The following RNH1 variants were observed in gnomAD, a reference collection of about 807,000 sequenced individuals.
RNH1 encodes ribonuclease/angiogenin inhibitor 1.
RNH1 carries 38 observed loss-of-function variants against 46.1 expected under a neutral mutation model. The ratio of observed to expected loss-of-function variants is 0.82; its 90% CI spans 0.64 to 1.08. The LOEUF is 1.08. RNH1 is among the 50% of genes least tolerant of loss of function. The pLI, the probability that RNH1 is intolerant of heterozygous loss-of-function variation, is 0.00. For missense variants in RNH1, 577 were observed against 590.7 expected (o/e 0.98, Z 0.24); for synonymous variants, 319 against 279.1 (o/e 1.14, Z -1.43).
rs368882340 is a variant in RNH1 at position 500,659 on chromosome 11, G to A, written c.102-5C>T. On this transcript the variant is annotated splice_polypyrimidine_tract_variant and splice_region_variant and intron_variant, in intron 3 of 10. Transcript: ENST00000354420. ...GTGAGGCCACAGTCGTCCAGCCTGTGAGCAGACCCCAGGGTCATGTGGACC... is the reference window on the plus strand; with the variant it reads ...GTGAGGCCACAGTCGTCCAGCCTGTAAGCAGACCCCAGGGTCATGTGGACC... 41 of 1,603,404 alleles carry A rather than the reference G, an allele frequency of 2.6e-5. No individual in the cohort carries two copies. Among genetic ancestry groups the A allele is most frequent in the Non-Finnish European group, 3.4e-5 (40 of 1,179,932 alleles).
At position 502,010 on chromosome 11, in the gene RNH1, C is replaced by A; in HGVS notation, c.101+52G>T. ...ATGCACCCTTCAGAGGGAGCCGCCA[C>A]CCGCCAGCCTGCCCCACCAGCACCC... On this transcript the variant is annotated intron_variant, in intron 3 of 10. Transcript: ENST00000354420. The surrounding 1 kb of genome is among the most constrained non-coding windows in gnomAD (Gnocchi z 5.8). 7.4e-7 allele frequency: 1 copy of A among 1,356,640 alleles called. No individual in the cohort carries two copies. Among genetic ancestry groups the A allele is most frequent in the South Asian group, 1.2e-5 (1 of 82,576 alleles). The allele number at this position is 1,356,640 out of a possible 1,614,324, so 84.0% of individuals were successfully genotyped here.
rs139850846 is a variant in RNH1, at chr11:499,782, G to T, written c.443+47C>A. 3.4e-4 allele frequency: 541 copies of T among 1,579,258 alleles called. 7 individuals carry two copies. The East Asian group carries it at 0.012, about 35-fold the overall frequency. Reference sequence around the variant, plus strand: ...TGTTCTATGTAGGGGGCTGGCTGGGGGACAGGCAGCGGCCAGCATGGGCCC... The same window carrying T: ...TGTTCTATGTAGGGGGCTGGCTGGGTGACAGGCAGCGGCCAGCATGGGCCC... On this transcript the variant is annotated intron_variant, in intron 5 of 10. Coordinates refer to ENST00000354420, the MANE Select transcript of RNH1 (RefSeq NM_203387.3).
intron 9 of RNH1, 82 bp from the exon 10 acceptor site, chr11:495,135 G>T: frequency 7.1e-6 from 10 of 1,401,674 alleles, no homozygotes; most frequent in Non-Finnish European, 9.7e-6. Flanking sequence ...GGCCTGGGGG[G>T]CGCGACGGAC....
Position 499,994 on chromosome 11 carries a change from T to A in RNH1, c.278A>T (p.Gln93Leu). The A allele has an allele frequency of 6.4e-7, 1 of 1,560,838 alleles. No homozygotes were observed. Among genetic ancestry groups the A allele is most frequent in the Non-Finnish European group, 8.7e-7 (1 of 1,154,852 alleles). ...GCCGGCCCCCGTCAGGCAGCAGTTC[T>A]GGAGGCTGGAGCATACCTGGCTGTC... The part of the protein sequence containing the change: ...PSCKIQKLSL[Q>L]NCCLTGAGCG... Residue 93 changes from glutamine to leucine, a missense_variant, in exon 5 of 11, where the codon CAG becomes CTG. Coordinates refer to ENST00000354420, the MANE Select transcript of RNH1 (RefSeq NM_203387.3).
intron 8 of RNH1, 31 bp from the exon 9 acceptor site, chr11:498,172 A>G (rs1849353524): frequency 6.3e-6 from 10 of 1,594,534 alleles, no homozygotes; most frequent in Non-Finnish European, 8.6e-6. Flanking sequence ...GACGCCTGGC[A>G]GGGGCCCAGG....
At position 500,084 on chromosome 11, in the gene RNH1, C is replaced by T. The variant is rs1347811432; in HGVS notation, c.273-85G>A. Reference sequence around the variant, plus strand: ...TGCCAGAGCCCAGAGCCCGGAGCAGCACTCTTCAGGCGGCAGGTCTATACC... The same window carrying T: ...TGCCAGAGCCCAGAGCCCGGAGCAGTACTCTTCAGGCGGCAGGTCTATACC... On this transcript the variant is annotated intron_variant, in intron 4 of 10. Coordinates refer to ENST00000354420, the MANE Select transcript of RNH1 (RefSeq NM_203387.3). The T allele has an allele frequency of 2.1e-6, 3 of 1,414,286 alleles. No homozygotes were observed. In the East Asian group the frequency reaches 7.5e-5, roughly 35 times the overall value. 87.6% of individuals were successfully genotyped at this position (1,414,286 alleles called of 1,614,324 possible).
intron 1 of RNH1, chr11:505,307 AACCTGTGGTGTT>A (rs1272440473): frequency 6.6e-6 from 1 of 152,172 alleles, no homozygotes; most frequent in East Asian, 1.9e-4. Context: ...CTAATCTCCA[AACCTGTGGTGTT>A]ACCTTAAGTG....
At position 502,127 on chromosome 11, in the gene RNH1, ACACTGGATGTCCAGG is replaced by A; in HGVS notation, c.21_35del (p.Leu8_Cys12del). ...CCCATCTAGCGTCGCTCAGCTCCTC[ACACTGGATGTCCAGG>A]CTCTGGATGTCCAGGCTCATGGTGG... On this transcript the variant is annotated inframe_deletion, in exon 3 of 11. Transcript: ENST00000354420. The surrounding 1 kb of genome is among the most constrained non-coding windows in gnomAD (Gnocchi z 5.8). 6.2e-7 allele frequency: 1 copy of A among 1,611,266 alleles called. No individual in the cohort carries two copies. Among genetic ancestry groups the A allele is most frequent in the Non-Finnish European group, 8.5e-7 (1 of 1,178,968 alleles).
At chr11:499,395 C>G in intron 5 of RNH1, 1 of 671,994 alleles carries the variant, frequency 1.5e-6, no homozygotes, top group Non-Finnish European at 2.7e-6. Flanking sequence ...CACCCCCTCC[C>G]GGACCTCAGA....
chr11:497,914 GCACA>G, intron 9 of RNH1, 53 bp downstream of exon 9: 1 of 1,564,086 alleles, frequency 6.4e-7, no homozygotes, highest in Non-Finnish European at 8.7e-7. Flanking sequence ...GCCCTTGTGT[GCACA>G]CACGGGCATA....
chr11:497,540 C>A (rs528942434), intron 9 of RNH1, among the ~76,000 whole-genome samples: 1 of 135,812 alleles, frequency 7.4e-6, no homozygotes, highest in Admixed American at 7.4e-5. Context: ...CACGGACCCT[C>A]GTGCTCACTC....
rs1415394504 is a variant in RNH1 at position 500,013 on chromosome 11, G to A, written c.273-14C>T. The A allele has an allele frequency of 2.6e-6, 4 of 1,533,124 alleles. No homozygotes were observed. The highest frequency in any genetic ancestry group is 3.5e-6 in the Non-Finnish European group (4 of 1,140,930). 95.0% of individuals were successfully genotyped at this position (1,533,124 alleles called of 1,614,324 possible). A position where few individuals can be genotyped will look rare whatever the true frequency, so the allele number is the denominator to read the frequency against. On this transcript the variant is annotated splice_polypyrimidine_tract_variant and intron_variant, in intron 4 of 10. Coordinates refer to ENST00000354420, the MANE Select transcript of RNH1 (RefSeq NM_203387.3). ...CAGTTCTGGAGGCTGGAGCATACCT[G>A]GCTGTCAGCAGGGCTCCCCTGAGCC...
In RNH1 at chr11:503,960, C is replaced by T. The variant is rs895542441; in HGVS notation, c.-88+864G>A. 4.6e-5 allele frequency among the ~76,000 whole-genome samples: 7 copies of T among 152,126 alleles called. No homozygotes were observed. In the South Asian group the frequency reaches 1.4e-3, roughly 31 times the overall value. ...TCTCTGTGACTGGAGAAGTCCCTGG[C>T]TCCCTACACAGCCAAAGCTAAAAGC... On this transcript the variant is annotated intron_variant, in intron 2 of 10. Transcript: ENST00000354420.
chr11:497,604 G>C (rs1849267059), intron 9 of RNH1, among the ~76,000 whole-genome samples: 1 of 101,902 alleles, frequency 9.8e-6, no homozygotes, highest in African/African-American at 4.0e-5. Flanking sequence ...CTCACACACT[G>C]ACCCTCGTGC....
At chr11:498,204 C>T in intron 8 of RNH1, 63 bp from the exon 9 acceptor site, 1 of 1,536,310 alleles carries the variant, frequency 6.5e-7, no homozygotes, top group Non-Finnish European at 8.8e-7. Flanking sequence ...CTGCGACTGG[C>T]CCTTCCCCTG....
intron 2 of RNH1, chr11:503,352 C>G (rs566711516): frequency 6.6e-6 from 1 of 152,378 alleles, no homozygotes; most frequent in Non-Finnish European, 1.5e-5. Flanking sequence ...CTCCTCTCCC[C>G]GGGGCTGCTT....
intron 2 of RNH1, among the ~76,000 whole-genome samples, chr11:504,232 G>A (rs1850025266): frequency 6.6e-6 from 1 of 152,228 alleles, no homozygotes; most frequent in Non-Finnish European, 1.5e-5. Context: ...GGAGACACGG[G>A]CCACGCTCAG....
chr11:498,980 C>T (rs750457564), intron 6 of RNH1, 35 bp downstream of exon 6: 2 of 1,611,862 alleles, frequency 1.2e-6, no homozygotes, highest in East Asian at 4.5e-5. Flanking sequence ...CCCCCCTAGC[C>T]CACACCCCGC....
chr11:494,796 G>A lies in RNH1; in HGVS notation c.1299-18C>T, dbSNP rs1290713143. The stretch of plus-strand genomic sequence containing the variant: ...CGTACAGGCTGCACACAGGCCAGAA[G>A]GGAGGCATGGGCCCGTGTCCTCCCC... On this transcript the variant is annotated intron_variant, in intron 10 of 10. Transcript: ENST00000354420. 3.7e-6 allele frequency: 6 copies of A among 1,613,502 alleles called. No homozygotes were observed. The highest frequency in any genetic ancestry group is 1.6e-4 in the Middle Eastern group (1 of 6,084).
Sources: gnomAD v4.1 joint callset for allele counts (sites outside exome capture counted in the v4.1 genomes callset) on GRCh38, gnomAD v4.1.1 for gene constraint, Gnocchi (gnomAD v3.1) non-coding constraint, MANE v1.5 for transcripts, NCBI Gene and HGNC (gene_info 2026-07-23, HGNC 2026-07-21) for gene names.